The following CDK13 variants were observed in gnomAD, a reference collection of about 807,000 sequenced individuals.
The protein encoded by CDK13 is cyclin dependent kinase 13.
A neutral mutation model predicts 137.6 loss-of-function variants in CDK13; 40 were observed. The ratio of observed to expected loss-of-function variants is 0.29; its 90% CI spans 0.23 to 0.38. The LOEUF is 0.38. CDK13 is among the 10% of genes least tolerant of loss of function. CDK13 has a pLI of 1.00. For synonymous variants in CDK13, 869 were observed against 760.1 expected, an observed-to-expected ratio of 1.14 and a Z score of -2.36; for missense variants, 1,704 against 1,951.8, an observed-to-expected ratio of 0.87 and a Z score of 2.39.
intron 5 of CDK13, among the ~76,000 whole-genome samples, chr7:40,018,333 T>C (rs1785045974): frequency 6.6e-6 from 1 of 152,178 alleles, no homozygotes; most frequent in African/African-American, 2.4e-5. Context: ...GTTACTATTA[T>C]AATAATCATT....
Position 40,047,399 on chromosome 7 carries a change from T to C in CDK13, c.2544-422T>C, listed in dbSNP as rs1294454928. On this transcript the variant is annotated intron_variant, in intron 6 of 13. Coordinates refer to ENST00000181839, the MANE Select transcript of CDK13 (RefSeq NM_003718.5). ...TCTATGCACCTAGCCCCTCTAAAAC[T>C]GGAGAATTAAACAAATTAAAAGTGA... Among the ~76,000 whole-genome samples, 5 of 152,120 alleles carry C rather than the reference T, an allele frequency of 3.3e-5. No homozygotes were observed. The South Asian group carries it at 8.3e-4, about 25-fold the overall frequency.
intron 1 of CDK13, among the ~76,000 whole-genome samples, chr7:39,965,869 A>C (rs1265758011): frequency 6.6e-6 from 1 of 152,088 alleles, no homozygotes; most frequent in South Asian, 2.1e-4. Context: ...TTTCTCCTTC[A>C]CTTATGAAGC....
At chr7:39,995,972 T>C (rs1784552988) in intron 2 of CDK13, among the ~76,000 whole-genome samples, 1 of 152,176 alleles carries the variant, frequency 6.6e-6, no homozygotes, top group Admixed American at 6.5e-5. Flanking sequence ...ATCATGCCAC[T>C]GCACTCCAGC....
intron 9 of CDK13, among the ~76,000 whole-genome samples, chr7:40,066,042 AAAC>A (rs1442418765): frequency 5.9e-5 from 9 of 152,056 alleles, no homozygotes; most frequent in Non-Finnish European, 4.4e-5. Context: ...AAACAAACAA[AAAC>A]AACAACAACA....
intron 11 of CDK13, among the ~76,000 whole-genome samples, chr7:40,082,455 C>CAGTCTGG (rs1562765087): frequency 7.2e-6 from 1 of 139,338 alleles, no homozygotes; most frequent in African/African-American, 2.6e-5. Context: ...CACTGCACTC[C>CAGTCTGG]AGTCTGGGCG....
chr7:40,054,706 C>CA (rs1785972403), intron 7 of CDK13, among the ~76,000 whole-genome samples: 1 of 152,142 alleles, frequency 6.6e-6, no homozygotes, highest in Non-Finnish European at 1.5e-5. Context: ...GCTGGGATTA[C>CA]AGGGGTCAGC....
intron 5 of CDK13, among the ~76,000 whole-genome samples, chr7:40,004,638 A>G (rs926409374): frequency 6.6e-6 from 1 of 152,222 alleles, no homozygotes; most frequent in Non-Finnish European, 1.5e-5. Flanking sequence ...GCTGTGTGGT[A>G]TTAAACTAAA....
Position 39,951,795 on chromosome 7 carries a change from G to C in CDK13, c.1154G>C (p.Ser385Thr). 6.8e-7 allele frequency: 1 copy of C among 1,468,330 alleles called. No individual in the cohort carries two copies. The highest frequency in any genetic ancestry group is 1.4e-5 in the South Asian group (1 of 69,906). 91.0% of individuals were successfully genotyped at this position (1,468,330 alleles called of 1,614,324 possible). A position where few individuals can be genotyped will look rare whatever the true frequency, so the allele number is the denominator to read the frequency against. ...GAGCGGGGCGGCGACGTGTCCCCTA[G>C]TCCCTACAGCAGCAGCAGCTGGCGC... is the stretch of plus-strand genomic sequence containing the variant. Reference protein sequence around the residue: ...SYERGGDVSPSPYSSSSWRRS... With the variant: ...SYERGGDVSPTPYSSSSWRRS... Residue 385 changes from serine (S) to threonine (T), a missense_variant, in exon 1 of 14, where the codon AGT becomes ACT. Around this residue, in one of 5 missense-constraint regions of CDK13, gnomAD observed 1,051 missense variants for 931.0 expected, o/e 1.13. Coordinates refer to ENST00000181839, the MANE Select transcript of CDK13 (RefSeq NM_003718.5).
rs558662680 is a variant in CDK13 at position 39,988,721 on chromosome 7, C to G, written c.1871+463C>G. Among the ~76,000 whole-genome samples, 118 of 152,184 alleles carry G rather than the reference C, an allele frequency of 7.8e-4. 1 individual carries two copies. The highest frequency in any genetic ancestry group is 2.1e-3 in the South Asian group (10 of 4,818). On this transcript the variant is annotated intron_variant, in intron 2 of 13. Coordinates refer to ENST00000181839, the MANE Select transcript of CDK13 (RefSeq NM_003718.5). ...TTTTTAGTTTAGTCTTTTCTTAACT[C>G]TTTTAATTAAAAAAAAATTTTTTTA...
intron 2 of CDK13, among the ~76,000 whole-genome samples, chr7:39,995,774 G>A (rs1449559213): frequency 6.6e-6 from 1 of 152,192 alleles, no homozygotes; most frequent in Admixed American, 6.5e-5. Context: ...CTGGGAGGCC[G>A]AGGCAGGTGG....
intron 13 of CDK13, 69 bp from the exon 14 acceptor site, chr7:40,094,061 C>T (rs927677786): frequency 6.5e-7 from 1 of 1,530,372 alleles, no homozygotes; most frequent in Non-Finnish European, 8.9e-7. Flanking sequence ...CTACAGGAAA[C>T]ACTGAGTATT....
At chr7:39,989,530 C>T (rs551506576) in intron 2 of CDK13, among the ~76,000 whole-genome samples, 73 of 152,116 alleles carry the variant, frequency 4.8e-4, no homozygotes, top group South Asian at 1.5e-3. Flanking sequence ...GAGTTTCATG[C>T]CCTTTGAGGT....
intron 5 of CDK13, among the ~76,000 whole-genome samples, chr7:40,033,207 C>T (rs1263585833): frequency 2.0e-5 from 3 of 152,062 alleles, no homozygotes; most frequent in African/African-American, 7.2e-5. Context: ...CTGCCCACCT[C>T]AGCTTCCCAA....
chr7:40,037,458 G>T (rs1264661833), intron 5 of CDK13, among the ~76,000 whole-genome samples: 1 of 152,188 alleles, frequency 6.6e-6, no homozygotes, highest in African/African-American at 2.4e-5. Flanking sequence ...TATCCTGACA[G>T]CCTTGGTGGC....
chr7:39,956,473 T>G lies in CDK13; in HGVS notation c.1211+4621T>G, dbSNP rs74366006. ...GCTAGACTTCATGTTACTGTGAACA[T>G]TCTTCTCGTTTCATCCATTCTTCTC... On this transcript the variant is annotated intron_variant, in intron 1 of 13. Coordinates refer to ENST00000181839, the MANE Select transcript of CDK13 (RefSeq NM_003718.5). Among the ~76,000 whole-genome samples the G allele has an allele frequency of 9.2e-3, 1,396 of 152,348 alleles. 20 individuals carry two copies. Among genetic ancestry groups the G allele is most frequent in the African/African-American group, 0.031 (1,309 of 41,588 alleles).
intron 4 of CDK13, 30 bp downstream of exon 4, chr7:39,999,530 G>T: frequency 6.4e-7 from 1 of 1,568,166 alleles, no homozygotes; most frequent in Admixed American, 1.9e-5. Context: ...GGGATCTTTG[G>T]GCCTACGGAA....
chr7:40,027,965 A>G (rs952377428), intron 5 of CDK13, among the ~76,000 whole-genome samples: 13 of 151,622 alleles, frequency 8.6e-5, no homozygotes, highest in Middle Eastern at 3.4e-3. Context: ...TGTTTTTTCC[A>G]TAATTACAGT....
intron 1 of CDK13, among the ~76,000 whole-genome samples, chr7:39,971,985 T>G (rs965478159): frequency 2.0e-5 from 3 of 152,272 alleles, no homozygotes; most frequent in Non-Finnish European, 4.4e-5. Context: ...GAACAAATTC[T>G]TGATGGCTAC....
intron 5 of CDK13, among the ~76,000 whole-genome samples, chr7:40,032,108 G>A (rs974496575): frequency 1.3e-5 from 2 of 152,158 alleles, no homozygotes; most frequent in African/African-American, 4.8e-5. Context: ...CAGGCCTGGA[G>A]TGCAGTGGTG....
Sources: gnomAD v4.1 joint callset for allele counts (sites outside exome capture counted in the v4.1 genomes callset) on GRCh38, gnomAD v4.1.1 for gene constraint, gnomAD v4.1.1 regional missense constraint, MANE v1.5 for transcripts, NCBI Gene and HGNC (gene_info 2026-07-23, HGNC 2026-07-21) for gene names.